The following B3GALT1 variants were observed in gnomAD, a reference collection of about 807,000 sequenced individuals.
B3GALT1 encodes UDP-Gal:betaGlcNAc beta 1,3-galactosyltransferase, polypeptide 1.
In B3GALT1, 10 loss-of-function variants were observed where a neutral mutation model predicts 23.2. The observed-to-expected ratio is 0.43, with a 90% CI of 0.27 to 0.73. The LOEUF (loss-of-function observed/expected upper bound fraction) is 0.73. B3GALT1 is among the 30% of genes least tolerant of loss of function. The pLI is 0.21. For synonymous variants in B3GALT1, 156 were observed against 141.5 expected (o/e 1.10, Z -0.73); for missense variants, 299 against 405.4 (o/e 0.74, Z 2.25).
intron 1 of B3GALT1, among the ~76,000 whole-genome samples, chr2:167,360,641 C>T (rs77781006): frequency 0.017 from 2,529 of 152,060 alleles, 19 homozygotes; most frequent in Non-Finnish European, 0.025. Flanking sequence ...TGGGGGTACA[C>T]GTGACAATTT....
At chr2:167,412,942 T>G (rs184389541) in intron 1 of B3GALT1, among the ~76,000 whole-genome samples, 2 of 152,194 alleles carry the variant, frequency 1.3e-5, no homozygotes, top group East Asian at 3.9e-4. Context: ...ACCAGCACAA[T>G]GTTGAACAAA....
intron 3 of B3GALT1, among the ~76,000 whole-genome samples, chr2:167,818,168 G>C (rs1689034986): frequency 6.6e-6 from 1 of 152,110 alleles, no homozygotes; most frequent in East Asian, 1.9e-4. Flanking sequence ...GTGCAGTTTT[G>C]TTTTATTTTT....
chr2:167,361,814 C>T (rs1165575710), intron 1 of B3GALT1, among the ~76,000 whole-genome samples: 1 of 152,124 alleles, frequency 6.6e-6, no homozygotes, highest in Non-Finnish European at 1.5e-5. Context: ...TGGCTCATGC[C>T]TGTAATCCCA....
chr2:167,455,389 A>G (rs1245156860), intron 1 of B3GALT1, among the ~76,000 whole-genome samples: 1 of 152,190 alleles, frequency 6.6e-6, no homozygotes, highest in Admixed American at 6.5e-5. Flanking sequence ...TTAAATATAT[A>G]TATTTAGTTC....
intron 1 of B3GALT1, among the ~76,000 whole-genome samples, chr2:167,306,539 T>C (rs7572486): frequency 0.018 from 2,698 of 152,120 alleles, 36 homozygotes; most frequent in Non-Finnish European, 0.026. Flanking sequence ...GCACTGAATA[T>C]TAGTCATGGT....
chr2:167,706,417 C>G (rs1275359492), intron 3 of B3GALT1, among the ~76,000 whole-genome samples: 1 of 152,208 alleles, frequency 6.6e-6, no homozygotes, highest in Non-Finnish European at 1.5e-5. Flanking sequence ...CTAGACTCTA[C>G]TTGCATAAGA....
intron 3 of B3GALT1, among the ~76,000 whole-genome samples, chr2:167,667,455 C>T (rs1686223161): frequency 6.6e-6 from 1 of 152,030 alleles, no homozygotes; most frequent in African/African-American, 2.4e-5. Flanking sequence ...CGAGGAGTAT[C>T]TTTGTGGTGT....
chr2:167,668,783 G>A (rs993900270), intron 3 of B3GALT1, among the ~76,000 whole-genome samples: 1 of 152,214 alleles, frequency 6.6e-6, no homozygotes, highest in Non-Finnish European at 1.5e-5. Context: ...TCCCGAGTGA[G>A]GCAATGCCTC....
At chr2:167,669,750 T>C (rs1686288634) in intron 3 of B3GALT1, among the ~76,000 whole-genome samples, 2 of 152,102 alleles carry the variant, frequency 1.3e-5, no homozygotes, top group South Asian at 2.1e-4. Context: ...ATAGATGATA[T>C]ATATAAGAGA....
intron 3 of B3GALT1, among the ~76,000 whole-genome samples, chr2:167,728,195 C>A (rs983899363): frequency 1.3e-5 from 2 of 152,162 alleles, no homozygotes; most frequent in South Asian, 2.1e-4. Flanking sequence ...TGAGACCAGC[C>A]TGGCCAACAT....
At chr2:167,423,848 G>T (rs1421840933) in intron 1 of B3GALT1, among the ~76,000 whole-genome samples, 1 of 152,060 alleles carries the variant, frequency 6.6e-6, no homozygotes, top group African/African-American at 2.4e-5. Flanking sequence ...AAGCAAGGAG[G>T]TTTCTCTTTT....
intron 3 of B3GALT1, among the ~76,000 whole-genome samples, chr2:167,726,545 T>C (rs1687318863): frequency 6.6e-6 from 1 of 152,212 alleles, no homozygotes; most frequent in African/African-American, 2.4e-5. Context: ...ATCCTCCTAT[T>C]TGGGAATGTA....
In B3GALT1 at chr2:167,873,257, G is replaced by A. The variant is rs962163745; in HGVS notation, c.*3237G>A. The A allele has an allele frequency of 4.0e-5, 6 of 151,812 alleles. No individual in the cohort carries two copies. Among genetic ancestry groups the A allele is most frequent in the Admixed American group, 2.0e-4 (3 of 15,238 alleles). 9.4% of individuals were successfully genotyped at this position (151,812 alleles called of 1,614,324 possible). ...TTTTTAATTTACTTTTTGGAAAAAC[G>A]TTTCTCTTTGGTGGCTAGTTTCGGT... On this transcript the variant is annotated 3_prime_UTR_variant, in exon 5 of 5. Transcript: ENST00000392690.
At chr2:167,667,740 C>G (rs576852396) in intron 3 of B3GALT1, among the ~76,000 whole-genome samples, 1 of 152,214 alleles carries the variant, frequency 6.6e-6, no homozygotes, top group Admixed American at 6.5e-5. Context: ...CAGTTGATCG[C>G]ATCGGCTGAG....
intron 4 of B3GALT1, among the ~76,000 whole-genome samples, chr2:167,830,061 C>T (rs1327058965): frequency 6.6e-6 from 1 of 152,294 alleles, no homozygotes; most frequent in Non-Finnish European, 1.5e-5. Flanking sequence ...GTTTTCCTCA[C>T]CAAGCATTGA....
chr2:167,304,321 T>C (rs1696512622), intron 1 of B3GALT1, among the ~76,000 whole-genome samples: 2 of 152,154 alleles, frequency 1.3e-5, no homozygotes, highest in Admixed American at 1.3e-4. Context: ...TTCAAAAATA[T>C]TTGAAAGTAT....
chr2:167,687,036 G>A (rs1185047493), intron 3 of B3GALT1, among the ~76,000 whole-genome samples: 3 of 152,110 alleles, frequency 2.0e-5, no homozygotes, highest in Admixed American at 6.6e-5. Context: ...TGTTTCAGAG[G>A]TCTCAATGTC....
At chr2:167,713,437 T>C (rs972580621) in intron 3 of B3GALT1, among the ~76,000 whole-genome samples, 2 of 152,224 alleles carry the variant, frequency 1.3e-5, no homozygotes, top group Non-Finnish European at 2.9e-5. Context: ...AACAAACTTA[T>C]CTGTATTGTA....
chr2:167,464,370 G>T (rs922679319), intron 1 of B3GALT1, among the ~76,000 whole-genome samples: 2 of 152,102 alleles, frequency 1.3e-5, no homozygotes, highest in African/African-American at 4.8e-5. Flanking sequence ...CCTATTTTAA[G>T]TAGAATTGTT....
Sources: allele counts gnomAD v4.1 joint callset (sites outside exome capture counted in the v4.1 genomes callset), GRCh38; gene constraint gnomAD v4.1.1; transcripts MANE v1.5; gene names NCBI Gene and HGNC (gene_info 2026-07-23, HGNC 2026-07-21).